Variants in THAP4 observed in about 807,000 individuals in gnomAD.
The protein encoded by THAP4 is peroxynitrite isomerase THAP4.
A neutral mutation model predicts 48.1 loss-of-function variants in THAP4; 18 were observed. The ratio of observed to expected loss-of-function variants is 0.37; its 90% confidence interval spans 0.26 to 0.56. The LOEUF (loss-of-function observed/expected upper bound fraction) is 0.56. Among genes scored for constraint, THAP4 ranks in the 20% least tolerant of loss-of-function variants. THAP4 has a pLI of 0.78. For synonymous variants in THAP4, 345 were observed against 324.9 expected (o/e 1.06, Z -0.66); for missense variants, 656 against 774.9 (o/e 0.85, Z 1.82).
intron 2 of THAP4, among the ~76,000 whole-genome samples, chr2:241,607,905 A>G: frequency 9.4e-6 from 1 of 106,714 alleles, no homozygotes; most frequent in Admixed American, 1.0e-4. Flanking sequence ...AAGACAGCTG[A>G]CGGGGACAGG....
At chr2:241,627,178 T>C (rs76235535) in intron 2 of THAP4, among the ~76,000 whole-genome samples, 23,585 of 152,196 alleles carry the variant, frequency 0.15, 2,044 homozygotes, top group South Asian at 0.38. Context: ...CCAATACTGA[T>C]TCATTGCTAC....
At chr2:241,598,502 G>C (rs943511653) in intron 5 of THAP4, among the ~76,000 whole-genome samples, 24 of 152,150 alleles carry the variant, frequency 1.6e-4, no homozygotes, top group African/African-American at 5.6e-4. Context: ...CCCAGGAACT[G>C]GTTTCATGGA....
intron 2 of THAP4, among the ~76,000 whole-genome samples, chr2:241,629,056 T>C (rs962607765): frequency 6.6e-6 from 1 of 151,688 alleles, no homozygotes; most frequent in African/African-American, 2.4e-5. Context: ...GGTTGCTTGA[T>C]GGGGGAATAA....
chr2:241,592,003 C>G (rs1205779566), intron 5 of THAP4: 1 of 152,238 alleles, frequency 6.6e-6, no homozygotes, highest in Non-Finnish European at 1.5e-5. Context: ...ATAAAGAACT[C>G]TGACATGTCA....
Position 241,633,212 on chromosome 2 carries a change from G to A in THAP4, c.945C>T (p.Ala315=), listed in dbSNP as rs143326187. Residue 315 remains alanine, a synonymous_variant, in exon 2 of 6, where the codon GCC becomes GCT. Coordinates refer to ENST00000407315, the MANE Select transcript of THAP4 (RefSeq NM_015963.6). This position sits in a 1 kb window ranked among gnomAD's most constrained non-coding sequence, Gnocchi z 7.5. ...TGGCGTCGCTGTGCTCGCTCTGCAC[G>A]GCTTCCGTGGCTGGCTTTGGGGTGA... ...ADVTPKPATE[A]VQSEHSDASP... is the part of the protein sequence containing the mutation. 1,143 of 1,609,426 alleles carry A rather than the reference G, an allele frequency of 7.1e-4. 7 individuals are homozygous for A. The African/African-American group carries it at 0.014, about 19-fold the overall frequency.
Position 241,610,784 on chromosome 2 carries a change from A to C in THAP4, c.1241-4311T>G, listed in dbSNP as rs548677675. ...GGAGGCGCTCCTTAAATGGGGAAGAAAGACGGACAGAGCCAGGGACAGCGA... is the reference window on the plus strand; with the variant it reads ...GGAGGCGCTCCTTAAATGGGGAAGACAGACGGACAGAGCCAGGGACAGCGA... On this transcript the variant is annotated intron_variant, in intron 2 of 5. Transcript: ENST00000407315. This position sits in a 1 kb window ranked among gnomAD's most constrained non-coding sequence, Gnocchi z 4.2. Among the ~76,000 whole-genome samples the C allele has an allele frequency of 3.4e-4, 51 of 152,192 alleles. No homozygotes were observed. Among genetic ancestry groups the C allele is most frequent in the Middle Eastern group, 6.8e-3 (2 of 294 alleles).
intron 2 of THAP4, among the ~76,000 whole-genome samples, chr2:241,632,601 ATGAAACAGAAGCTATCTTTCCC>A (rs1157894259): frequency 6.6e-6 from 1 of 152,192 alleles, no homozygotes; most frequent in Non-Finnish European, 1.5e-5. Flanking sequence ...TGCATAAGGT[ATGAAACAGAAGCTATCTTTCCC>A]TGTGCACTCT....
chr2:241,631,049 T>G (rs939140934), intron 2 of THAP4, among the ~76,000 whole-genome samples: 1 of 152,002 alleles, frequency 6.6e-6, no homozygotes, highest in Non-Finnish European at 1.5e-5. Context: ...CAGAGTGAGA[T>G]GCCATCTCAA....
chr2:241,634,165 T>C (rs2067607680), intron 1 of THAP4, 86 bp from the exon 2 acceptor site: 1 of 1,048,228 alleles, frequency 9.5e-7, no homozygotes, highest in Non-Finnish European at 1.4e-6. Flanking sequence ...ACAAGTATTT[T>C]TGCACGCACC....
At chr2:241,621,369 A>C (rs757355818) in intron 2 of THAP4, among the ~76,000 whole-genome samples, 1 of 152,172 alleles carries the variant, frequency 6.6e-6, no homozygotes, top group Non-Finnish European at 1.5e-5. Context: ...AATAATAATA[A>C]AATCAGTACA....
chr2:241,586,071 G>T (rs111374870), intron 5 of THAP4, among the ~76,000 whole-genome samples: 1 of 151,160 alleles, frequency 6.6e-6, no homozygotes, highest in Non-Finnish European at 1.5e-5. Flanking sequence ...CTGGCTAACA[G>T]GGTGAAACCC....
chr2:241,627,075 T>G (rs1010450487), intron 2 of THAP4, among the ~76,000 whole-genome samples: 2 of 152,240 alleles, frequency 1.3e-5, no homozygotes, highest in African/African-American at 4.8e-5. Context: ...CAGCAGGTAG[T>G]ACAGAGAATT....
At position 241,630,406 on chromosome 2, in the gene THAP4, G is replaced by C. The variant is rs989355096; in HGVS notation, c.1240+2511C>G. Among the ~76,000 whole-genome samples, 48 of 152,262 alleles carry C rather than the reference G, an allele frequency of 3.2e-4. 1 individual carries two copies. Among genetic ancestry groups the C allele is most frequent in the African/African-American group, 1.1e-3 (45 of 41,544 alleles). On this transcript the variant is annotated intron_variant, in intron 2 of 5. Transcript: ENST00000407315. ...TAAACAACAACTCAGAGACACGAAGGGCTGGCTGTTTGCAAAAACCTGTAA... is the reference window on the plus strand; with the variant it reads ...TAAACAACAACTCAGAGACACGAAGCGCTGGCTGTTTGCAAAAACCTGTAA...
At chr2:241,587,808 G>C (rs751162162) in intron 5 of THAP4, among the ~76,000 whole-genome samples, 3 of 151,884 alleles carry the variant, frequency 2.0e-5, no homozygotes, top group Non-Finnish European at 4.4e-5. Context: ...CCAGCTACTC[G>C]GGAGGCTGAG....
At chr2:241,605,842 C>T (rs1223016125) in intron 3 of THAP4, among the ~76,000 whole-genome samples, 5 of 151,876 alleles carry the variant, frequency 3.3e-5, no homozygotes, top group South Asian at 2.1e-4. Context: ...CTCAGTTTCT[C>T]GAGTAGCTGG....
At chr2:241,621,240 C>T (rs1444756945) in intron 2 of THAP4, among the ~76,000 whole-genome samples, 4 of 151,944 alleles carry the variant, frequency 2.6e-5, no homozygotes, top group South Asian at 2.1e-4. Context: ...CCCATCTACT[C>T]GGGAGGCTGA....
intron 2 of THAP4, among the ~76,000 whole-genome samples, chr2:241,614,378 T>C (rs1331815753): frequency 6.6e-6 from 1 of 152,068 alleles, no homozygotes; most frequent in East Asian, 1.9e-4. Flanking sequence ...GAATGCACAA[T>C]GAAGACGTAA....
At chr2:241,593,853 C>CT (rs1056044318) in intron 5 of THAP4, among the ~76,000 whole-genome samples, 1 of 152,042 alleles carries the variant, frequency 6.6e-6, no homozygotes, top group Non-Finnish European at 1.5e-5. Context: ...AGCCCGGCTA[C>CT]TTTTTGTATT....
At chr2:241,602,030 C>A in intron 4 of THAP4, 31 bp from the exon 5 acceptor site, 2 of 1,601,702 alleles carry the variant, frequency 1.2e-6, no homozygotes. Context: ...GCTCACCCAG[C>A]AGCTGCTCGG....
Sources: gnomAD v4.1 joint callset for allele counts (sites outside exome capture counted in the v4.1 genomes callset) on GRCh38, gnomAD v4.1.1 for gene constraint, Gnocchi (gnomAD v3.1) non-coding constraint, MANE v1.5 for transcripts, NCBI Gene and HGNC (gene_info 2026-07-23, HGNC 2026-07-21) for gene names.